The following SCHIP1 variants were observed in gnomAD, a reference collection of about 807,000 sequenced individuals.
SCHIP1 encodes schwannomin interacting protein 1, also known as schwannomin-interacting protein 1.
In SCHIP1, 8 loss-of-function variants were observed where a neutral mutation model predicts 29.7. The observed-to-expected ratio is 0.27, with a 90% CI of 0.16 to 0.49. The LOEUF (loss-of-function observed/expected upper bound fraction) is 0.49, where lower values mean the gene tolerates loss of function less well. Among genes scored for constraint, SCHIP1 ranks in the 20% least tolerant of loss-of-function variants. The pLI is 0.99. For missense variants in SCHIP1, 193 were observed against 294.6 expected (o/e 0.66, Z 2.52); for synonymous variants, 76 against 94.9 (o/e 0.80, Z 1.16).
At chr3:159,781,674 C>G in the SCHIP1 span, among the ~76,000 whole-genome samples, 1 of 152,162 alleles carries the variant, frequency 6.6e-6, no homozygotes, top group Non-Finnish European at 1.5e-5. Flanking sequence ...AGGGAGCTGT[C>G]ATGTCATGGA....
the SCHIP1 span, among the ~76,000 whole-genome samples, chr3:159,460,735 T>A: frequency 6.6e-6 from 1 of 152,136 alleles, no homozygotes. Flanking sequence ...CCCTTAGTCT[T>A]GGACAAACTT....
At chr3:159,364,413 A>G in the SCHIP1 span, among the ~76,000 whole-genome samples, 1 of 152,208 alleles carries the variant, frequency 6.6e-6, no homozygotes, top group Non-Finnish European at 1.5e-5. Context: ...TAAATGATCA[A>G]TAGCAATAAA....
At chr3:159,839,804 C>T (rs1744042823), upstream of SCHIP1, 1 of 1,006,442 alleles carries the variant, frequency 9.9e-7, no homozygotes, top group Admixed American at 4.0e-5. Flanking sequence ...AATGTTTCCA[C>T]ATCAGTTAAC....
chr3:159,492,711 G>C, the SCHIP1 span, among the ~76,000 whole-genome samples: 1 of 152,176 alleles, frequency 6.6e-6, no homozygotes, highest in Non-Finnish European at 1.5e-5. Flanking sequence ...CCCCAACCTA[G>C]CAAGGCAGGC....
chr3:159,694,585 AAAGAAAGAAAGAAAGAAAGAAAGG>A, the SCHIP1 span, among the ~76,000 whole-genome samples: 12 of 145,060 alleles, frequency 8.3e-5, no homozygotes, highest in African/African-American at 2.6e-4. Flanking sequence ...AGAAAGAAAG[AAAGAAAGAAAGAAAGAAAGAAAGG>A]AATTATGACC....
the SCHIP1 span, chr3:159,273,880 C>G: frequency 1.2e-6 from 2 of 1,613,336 alleles, no homozygotes; most frequent in African/African-American, 1.3e-5. Flanking sequence ...AGCACTCTGA[C>G]AGTGTAAGTT....
the SCHIP1 span, among the ~76,000 whole-genome samples, chr3:159,342,865 T>A: frequency 3.9e-5 from 6 of 152,348 alleles, 1 homozygote; most frequent in South Asian, 1.2e-3. Context: ...TTTTCTTTTT[T>A]TAATACCCAT....
chr3:159,780,489 C>G, the SCHIP1 span, among the ~76,000 whole-genome samples: 1 of 152,282 alleles, frequency 6.6e-6, no homozygotes, highest in South Asian at 2.1e-4. Context: ...ATTTCTCTTG[C>G]CCAATCATTA....
chr3:159,552,248 G>C, the SCHIP1 span, among the ~76,000 whole-genome samples: 1 of 151,816 alleles, frequency 6.6e-6, no homozygotes, highest in African/African-American at 2.4e-5. Flanking sequence ...GTTTCACTAT[G>C]TTGGCCAGAC....
At chr3:159,286,117 A>G in the SCHIP1 span, among the ~76,000 whole-genome samples, 1 of 151,832 alleles carries the variant, frequency 6.6e-6, no homozygotes, top group African/African-American at 2.4e-5. Flanking sequence ...GTTTGTTGTA[A>G]TATAGGTAAA....
the SCHIP1 span, among the ~76,000 whole-genome samples, chr3:159,821,894 C>T: frequency 6.6e-6 from 1 of 152,196 alleles, no homozygotes; most frequent in South Asian, 2.1e-4. Flanking sequence ...TTCATCTGAT[C>T]ACCAAGCCAG....
chr3:159,449,989 GAGA>G, the SCHIP1 span, among the ~76,000 whole-genome samples: 3 of 152,058 alleles, frequency 2.0e-5, no homozygotes, highest in African/African-American at 7.2e-5. Context: ...AGAGAGGGGA[GAGA>G]AGGAGAGGGG....
At chr3:159,296,194 A>G in the SCHIP1 span, among the ~76,000 whole-genome samples, 1 of 152,000 alleles carries the variant, frequency 6.6e-6, no homozygotes, top group African/African-American at 2.4e-5. Context: ...ATTTGAGCCG[A>G]AATTATTTCA....
the SCHIP1 span, among the ~76,000 whole-genome samples, chr3:159,332,961 C>G: frequency 6.6e-6 from 1 of 152,116 alleles, no homozygotes; most frequent in South Asian, 2.1e-4. Flanking sequence ...GCTGGACAGC[C>G]TGCATCAGTT....
At chr3:159,464,464 T>C in the SCHIP1 span, among the ~76,000 whole-genome samples, 6 of 152,196 alleles carry the variant, frequency 3.9e-5, no homozygotes, top group Non-Finnish European at 8.8e-5. Context: ...ATTTTGGTCC[T>C]CTGACTTCTT....
the SCHIP1 span, among the ~76,000 whole-genome samples, chr3:159,613,567 G>A: frequency 6.6e-6 from 1 of 152,184 alleles, no homozygotes; most frequent in South Asian, 2.1e-4. Context: ...CTGTTAAGGT[G>A]ATTTTATGAC....
At chr3:159,405,110 A>G in the SCHIP1 span, among the ~76,000 whole-genome samples, 3 of 152,324 alleles carry the variant, frequency 2.0e-5, no homozygotes, top group African/African-American at 7.2e-5. Flanking sequence ...AGATGGCTGC[A>G]GTGACCAAAA....
chr3:159,498,906 A>G, the SCHIP1 span, among the ~76,000 whole-genome samples: 3 of 152,176 alleles, frequency 2.0e-5, no homozygotes, highest in South Asian at 2.1e-4. Flanking sequence ...ATTGTTAACC[A>G]ATATTGCCAC....
At chr3:159,645,956 T>A in the SCHIP1 span, among the ~76,000 whole-genome samples, 1 of 152,166 alleles carries the variant, frequency 6.6e-6, no homozygotes, top group African/African-American at 2.4e-5. Flanking sequence ...AAGAGTAAAT[T>A]TGTCCCTGTC....
Sources: allele counts gnomAD v4.1 joint callset (sites outside exome capture counted in the v4.1 genomes callset), GRCh38; gene constraint gnomAD v4.1.1; transcripts MANE v1.5; gene names NCBI Gene and HGNC (gene_info 2026-07-23, HGNC 2026-07-21).